Variants in AGBL4 observed in about 807,000 individuals in gnomAD.
AGBL4 encodes AGBL carboxypeptidase 4, also known as cytosolic carboxypeptidase 6.
A neutral mutation model predicts 66.4 loss-of-function variants in AGBL4; 58 were observed. The ratio of observed to expected loss-of-function variants is 0.87; its 90% CI spans 0.71 to 1.09. The LOEUF is 1.09. Among genes scored for constraint, AGBL4 ranks in the 50% least tolerant of loss-of-function variants. AGBL4 has a pLI of 0.00. For missense variants in AGBL4, 579 were observed against 631.0 expected (o/e 0.92, Z 0.88); for synonymous variants, 234 against 222.9 (o/e 1.05, Z -0.44).
At chr1:48,529,094 A>C (rs1423389830), downstream of AGBL4, among the ~76,000 whole-genome samples, 1 of 151,962 alleles carries the variant, frequency 6.6e-6, no homozygotes, top group Non-Finnish European at 1.5e-5. Flanking sequence ...CTCAGTGAGC[A>C]CAGACTCTGC....
At chr1:49,301,174 T>C (rs1247316989) in intron 3 of AGBL4, among the ~76,000 whole-genome samples, 1 of 152,198 alleles carries the variant, frequency 6.6e-6, no homozygotes, top group Non-Finnish European at 1.5e-5. Flanking sequence ...ATTTACAGCA[T>C]CATTTCAGCT....
At chr1:49,526,277 G>A (rs1650656921) in intron 3 of AGBL4, among the ~76,000 whole-genome samples, 1 of 150,136 alleles carries the variant, frequency 6.7e-6, no homozygotes, top group African/African-American at 2.5e-5. Flanking sequence ...AAGATATAAA[G>A]AGAAAAAAAC....
intron 4 of AGBL4, among the ~76,000 whole-genome samples, chr1:49,194,708 TG>T (rs1219027855): frequency 6.6e-6 from 1 of 152,230 alleles, no homozygotes; most frequent in Non-Finnish European, 1.5e-5. Context: ...GAGACAGACT[TG>T]TATACTGAGG....
At chr1:50,004,721 T>C (rs1276417670) in intron 1 of AGBL4, among the ~76,000 whole-genome samples, 1 of 152,062 alleles carries the variant, frequency 6.6e-6, no homozygotes, top group African/African-American at 2.4e-5. Context: ...GCAGGATGCA[T>C]CATTTGCTGA....
chr1:49,561,774 G>A (rs1384634069), intron 3 of AGBL4, among the ~76,000 whole-genome samples: 1 of 152,106 alleles, frequency 6.6e-6, no homozygotes, highest in African/African-American at 2.4e-5. Flanking sequence ...ACATACGTGT[G>A]CATGTGTCTT....
At chr1:48,638,580 A>G (rs1645705103) in intron 8 of AGBL4, among the ~76,000 whole-genome samples, 1 of 152,212 alleles carries the variant, frequency 6.6e-6, no homozygotes, top group Admixed American at 6.5e-5. Flanking sequence ...CAGCTCCTCC[A>G]GGAAGTAGAG....
chr1:48,884,749 G>A lies in AGBL4; in HGVS notation c.595-17519C>T, dbSNP rs1208970015. Among the ~76,000 whole-genome samples the A allele has an allele frequency of 2.6e-5, 4 of 152,086 alleles. No individual in the cohort carries two copies. The East Asian group carries it at 7.7e-4, about 29-fold the overall frequency. ...TAGAGTACCACATTGGATCCTCCTT[G>A]TCTCTGTTTCAGTGGTTTTATAATT... On this transcript the variant is annotated intron_variant, in intron 5 of 13. Coordinates refer to ENST00000371839, the MANE Select transcript of AGBL4 (RefSeq NM_032785.4).
intron 5 of AGBL4, among the ~76,000 whole-genome samples, chr1:48,880,089 G>A (rs1258906643): frequency 1.3e-5 from 2 of 152,078 alleles, no homozygotes; most frequent in Non-Finnish European, 2.9e-5. Context: ...ACTGAACTCT[G>A]TTTGTAGTCT....
intron 9 of AGBL4, among the ~76,000 whole-genome samples, chr1:48,633,174 G>A (rs996365903): frequency 2.0e-5 from 3 of 152,178 alleles, no homozygotes; most frequent in African/African-American, 7.2e-5. Context: ...TACATAGGAG[G>A]ACCAAGATAA....
intron 3 of AGBL4, among the ~76,000 whole-genome samples, chr1:49,652,325 C>T (rs181855462): frequency 1.1e-4 from 16 of 152,220 alleles, no homozygotes; most frequent in African/African-American, 3.6e-4. Flanking sequence ...TAGAGGTAGA[C>T]ATCCAAATAC....
intron 9 of AGBL4, among the ~76,000 whole-genome samples, chr1:48,597,622 A>T (rs926265627): frequency 1.3e-5 from 2 of 149,144 alleles, no homozygotes; most frequent in African/African-American, 4.9e-5. Flanking sequence ...TCAAAAAGGA[A>T]ATGGAGATAA....
intron 3 of AGBL4, among the ~76,000 whole-genome samples, chr1:49,510,551 G>T (rs1225497897): frequency 2.7e-5 from 4 of 150,606 alleles, no homozygotes; most frequent in Non-Finnish European, 5.9e-5. Context: ...CACTCTGATG[G>T]TAGTTTCTTT....
chr1:49,107,895 C>G (rs1218334037), intron 4 of AGBL4, among the ~76,000 whole-genome samples: 1 of 152,106 alleles, frequency 6.6e-6, no homozygotes, highest in Non-Finnish European at 1.5e-5. Flanking sequence ...CCCACAGAAA[C>G]CTCTGGGAGA....
intron 3 of AGBL4, among the ~76,000 whole-genome samples, chr1:49,686,131 C>G (rs1295804155): frequency 6.6e-6 from 1 of 152,064 alleles, no homozygotes; most frequent in Non-Finnish European, 1.5e-5. Flanking sequence ...GACAGTTATC[C>G]CAACACCATT....
chr1:48,963,468 C>A (rs936028602), intron 5 of AGBL4, among the ~76,000 whole-genome samples: 1 of 151,790 alleles, frequency 6.6e-6, no homozygotes, highest in African/African-American at 2.4e-5. Flanking sequence ...AAGGCAGCAG[C>A]GTCAATGACA....
At chr1:49,463,794 C>G (rs1295344253) in intron 3 of AGBL4, among the ~76,000 whole-genome samples, 1 of 151,758 alleles carries the variant, frequency 6.6e-6, no homozygotes, top group African/African-American at 2.4e-5. Context: ...ATCAAAACCT[C>G]ATTTCAACTG....
At chr1:49,682,830 A>G (rs1646721297) in intron 3 of AGBL4, among the ~76,000 whole-genome samples, 1 of 152,230 alleles carries the variant, frequency 6.6e-6, no homozygotes, top group Non-Finnish European at 1.5e-5. Context: ...TAGGAAGACA[A>G]CATGAAAAAG....
At chr1:49,049,636 G>T (rs1347300476) in intron 4 of AGBL4, among the ~76,000 whole-genome samples, 1 of 152,002 alleles carries the variant, frequency 6.6e-6, no homozygotes, top group African/African-American at 2.4e-5. Flanking sequence ...GGTATCACAA[G>T]AAGGCAGATT....
intron 2 of AGBL4, among the ~76,000 whole-genome samples, chr1:49,811,275 G>A (rs1328669043): frequency 6.6e-6 from 1 of 152,114 alleles, no homozygotes; most frequent in African/African-American, 2.4e-5. Flanking sequence ...TGGGGTTGCA[G>A]GTCATGAGGA....
Sources: allele counts gnomAD v4.1 joint callset (sites outside exome capture counted in the v4.1 genomes callset), GRCh38; gene constraint gnomAD v4.1.1; transcripts MANE v1.5; gene names NCBI Gene and HGNC (gene_info 2026-07-23, HGNC 2026-07-21).